The following EIF2AK4 variants were observed in gnomAD, a reference collection of about 807,000 sequenced individuals.
EIF2AK4 encodes the protein eukaryotic translation initiation factor 2 alpha kinase 4, also known as eIF-2-alpha kinase GCN2.
In EIF2AK4, 139 loss-of-function variants were observed where a neutral mutation model predicts 211.1. The ratio of observed to expected loss-of-function variants is 0.66; its 90% CI spans 0.57 to 0.76. EIF2AK4 has a LOEUF of 0.76. Ranked by LOEUF, EIF2AK4 falls within the 30% of genes least tolerant of loss-of-function variation. EIF2AK4 has a pLI of 0.00. For missense variants in EIF2AK4, 1,664 were observed against 2,043.8 expected (o/e 0.81, Z 3.58); for synonymous variants, 710 against 751.3 (o/e 0.94, Z 0.90).
At chr15:39,969,821 A>G (rs2034599279) in intron 9 of EIF2AK4, among the ~76,000 whole-genome samples, 1 of 152,252 alleles carries the variant, frequency 6.6e-6, no homozygotes, top group African/African-American at 2.4e-5. Flanking sequence ...TTCACAAAGA[A>G]TGAAAACAGC....
intron 6 of EIF2AK4, among the ~76,000 whole-genome samples, chr15:39,956,972 T>C (rs565346610): frequency 5.3e-5 from 8 of 152,332 alleles, no homozygotes; most frequent in Non-Finnish European, 1.2e-4. Flanking sequence ...TACCTACTAT[T>C]AGGTTTAACT....
intron 7 of EIF2AK4, among the ~76,000 whole-genome samples, chr15:39,964,507 T>C (rs772640944): frequency 7.2e-5 from 11 of 152,128 alleles, no homozygotes; most frequent in South Asian, 6.2e-4. Context: ...CCAGGATTGC[T>C]GCTAAAATCC....
intron 12 of EIF2AK4, chr15:39,977,824 A>G (rs986077450): frequency 2.1e-5 from 6 of 281,972 alleles, no homozygotes; most frequent in African/African-American, 1.3e-4. Flanking sequence ...ATCCAAGTGG[A>G]TACAGTTTAT....
chr15:39,943,253 A>T, intron 2 of EIF2AK4, 130 bp from the exon 3 acceptor site: 1 of 625,636 alleles, frequency 1.6e-6, no homozygotes, highest in Non-Finnish European at 2.5e-6. Context: ...AGTTGCAGGG[A>T]TATGGTTGAA....
chr15:40,030,131 C>A (rs1032798292), intron 34 of EIF2AK4, among the ~76,000 whole-genome samples: 1 of 152,180 alleles, frequency 6.6e-6, no homozygotes, highest in South Asian at 2.1e-4. Context: ...CACCACCCCC[C>A]AACCCCTGCC....
intron 9 of EIF2AK4, among the ~76,000 whole-genome samples, chr15:39,972,680 A>G (rs928391590): frequency 1.3e-5 from 2 of 152,040 alleles, no homozygotes; most frequent in East Asian, 1.9e-4. Context: ...TCATCTAGAG[A>G]TGCCTTTTTT....
Position 40,019,195 on chromosome 15 carries a change from G to A in EIF2AK4, c.4168G>A (p.Glu1390Lys). The A allele has an allele frequency of 1.9e-6, 3 of 1,576,068 alleles. No individual in the cohort carries two copies. The highest frequency in any genetic ancestry group is 2.6e-6 in the Non-Finnish European group (3 of 1,161,686). Residue 1390 changes from glutamate (E) to lysine (K), a missense_variant, in exon 30 of 39, where the codon GAA becomes AAA. Physicochemically the swap from Glu to Lys is moderately conservative, Grantham distance 56 (BLOSUM62 1). Coordinates refer to ENST00000263791, the MANE Select transcript of EIF2AK4 (RefSeq NM_001013703.4). The stretch of plus-strand genomic sequence containing the variant: ...ATCTGCTGCTGTCCTCAACATGGAG[G>A]AATCTGTAAGTTCTGGCTTGGCTTC... The part of the protein sequence containing the change: ...KISAAVLNME[E>K]SVTISSCDLL...
chr15:40,002,250 G>A (rs146157210), intron 21 of EIF2AK4: 7 of 152,646 alleles, frequency 4.6e-5, no homozygotes, highest in African/African-American at 1.7e-4. Context: ...TAGTGAAATG[G>A]TACTACTTTT....
At chr15:39,966,464 GA>G (rs2034545325) in intron 8 of EIF2AK4, among the ~76,000 whole-genome samples, 1 of 144,084 alleles carries the variant, frequency 6.9e-6, no homozygotes, top group South Asian at 2.2e-4. Context: ...TCATGCCACT[GA>G]ACTGCAACCT....
chr15:39,972,736 G>A (rs540136920), intron 9 of EIF2AK4, among the ~76,000 whole-genome samples, 172 bp from the exon 10 acceptor site: 114 of 152,090 alleles, frequency 7.5e-4, no homozygotes, highest in African/African-American at 2.6e-3. Flanking sequence ...TGTAAATCCT[G>A]CAGGAATGTT....
At chr15:39,959,616 T>A (rs2034439117) in intron 6 of EIF2AK4, among the ~76,000 whole-genome samples, 1 of 152,156 alleles carries the variant, frequency 6.6e-6, no homozygotes, top group Non-Finnish European at 1.5e-5. Context: ...AACCAAGCAT[T>A]TACACATTGT....
At chr15:39,980,334 ATTAG>A (rs1168996403) in intron 13 of EIF2AK4, among the ~76,000 whole-genome samples, 6 of 152,334 alleles carry the variant, frequency 3.9e-5, no homozygotes, top group African/African-American at 1.2e-4. Context: ...AAAATCTATA[ATTAG>A]TTCTACTTTC....
intron 25 of EIF2AK4, among the ~76,000 whole-genome samples, chr15:40,009,034 G>A (rs1207562403): frequency 1.3e-5 from 2 of 151,986 alleles, no homozygotes; most frequent in African/African-American, 4.8e-5. Flanking sequence ...AACTCTCTCG[G>A]GCTTTTTAAC....
At chr15:40,003,135 T>C in intron 22 of EIF2AK4, 58 bp from the exon 23 acceptor site, 7 of 1,591,292 alleles carry the variant, frequency 4.4e-6, no homozygotes, top group Non-Finnish European at 3.4e-6. Context: ...TAATTTTAGG[T>C]TGCCTTCTAA....
intron 27 of EIF2AK4, among the ~76,000 whole-genome samples, chr15:40,015,797 AT>A (rs542109729): frequency 3.3e-5 from 5 of 152,218 alleles, no homozygotes; most frequent in Non-Finnish European, 5.9e-5. Context: ...AATGGCTATA[AT>A]TTTGTTTCTT....
In EIF2AK4 at chr15:39,976,324, C is replaced by CACGCTTT; in HGVS notation, c.1819-89_1819-83dup. On this transcript the variant is annotated intron_variant, in intron 11 of 38. Transcript: ENST00000263791. ...TAGCTGTGGGACTCATTTAGAACTT[C>CACGCTTT]ACGCTTTCCTTGGGAGGGGATGGGG... 2.1e-6 allele frequency: 3 copies of CACGCTTT among 1,403,566 alleles called. No individual in the cohort carries two copies. In the South Asian group the frequency reaches 4.3e-5, roughly 20 times the overall value. 86.9% of individuals were successfully genotyped at this position (1,403,566 alleles called of 1,614,324 possible). A position where few individuals can be genotyped will look rare whatever the true frequency, so the allele number is the denominator to read the frequency against.
In EIF2AK4 at chr15:40,008,082, G is replaced by T; in HGVS notation, c.3463G>T (p.Glu1155Ter). The change falls in exon 25 of 39, where the codon GAA becomes TAA. Residue 1155 changes from glutamate to a stop codon, truncating the protein, a stop_gained. Coordinates refer to ENST00000263791, the MANE Select transcript of EIF2AK4 (RefSeq NM_001013703.4). LOFTEE classifies it high-confidence loss of function. ...CAAGTTAGATCGATTTCATCCCAAA[G>T]AACTTCTGGAGTGTGCATTTGATAT... is the stretch of plus-strand genomic sequence containing the variant. The part of the protein sequence containing the change: ...PRKLDRFHPK[E>*]LLECAFDIVT... 1.2e-6 allele frequency: 2 copies of T among 1,611,094 alleles called. No individual in the cohort carries two copies. The highest frequency in any genetic ancestry group is 1.7e-6 in the Non-Finnish European group (2 of 1,178,814).
At chr15:39,965,983 T>A (rs2034539194) in intron 8 of EIF2AK4, 140 bp downstream of exon 8, 1 of 1,182,588 alleles carries the variant, frequency 8.5e-7, no homozygotes. Context: ...GGGAGGACAG[T>A]GAAGGACCAG....
At chr15:39,941,235 A>G (rs557648338) in intron 2 of EIF2AK4, among the ~76,000 whole-genome samples, 2 of 151,718 alleles carry the variant, frequency 1.3e-5, no homozygotes, top group African/African-American at 4.8e-5. Flanking sequence ...TCAGCCCCCT[A>G]CTCCTCCCTA....
Sources: gnomAD v4.1 joint callset for allele counts (sites outside exome capture counted in the v4.1 genomes callset) on GRCh38, gnomAD v4.1.1 for gene constraint, MANE v1.5 for transcripts, NCBI Gene and HGNC (gene_info 2026-07-23, HGNC 2026-07-21) for gene names.